The following GRIN2B variants were observed in gnomAD, a reference collection of about 807,000 sequenced individuals.
GRIN2B encodes glutamate receptor ionotropic, NMDA 2B.
A neutral mutation model predicts 114.5 loss-of-function variants in GRIN2B; 5 were observed. The observed-to-expected ratio is 0.04, with a 90% confidence interval of 0.02 to 0.09. The LOEUF (loss-of-function observed/expected upper bound fraction) is 0.09. Among genes scored for constraint, GRIN2B ranks in the 10% least tolerant of loss-of-function variants. The probability of loss-of-function intolerance (pLI) is 1.00; values close to 1 mark genes in which losing one functional copy is unlikely to be tolerated. For synonymous variants in GRIN2B, 787 were observed against 745.1 expected, an observed-to-expected ratio of 1.06 and a Z score of -0.92; for missense variants, 1,108 against 1,943.5, an observed-to-expected ratio of 0.57 and a Z score of 8.08.
At chr12:13,621,728 G>T (rs946181816) in intron 5 of GRIN2B, among the ~76,000 whole-genome samples, 7 of 60 alleles carry the variant, frequency 0.12, no homozygotes, top group Admixed American at 0.5. Context: ...CTCCTCAGAA[G>T]GAAAGTCTAC....
At chr12:13,950,704 T>C (rs1248344808) in intron 2 of GRIN2B, among the ~76,000 whole-genome samples, 1 of 152,194 alleles carries the variant, frequency 6.6e-6, no homozygotes, top group Non-Finnish European at 1.5e-5. Context: ...TAAATGCCCT[T>C]TGCTCTCTGA....
intron 3 of GRIN2B, among the ~76,000 whole-genome samples, chr12:13,791,813 T>C (rs558327195): frequency 2.0e-5 from 3 of 152,362 alleles, no homozygotes; most frequent in African/African-American, 7.2e-5. Context: ...CTAAGAACAT[T>C]TGAATTATTC....
rs199517784 is a variant in GRIN2B, at chr12:13,615,139, C to T, written c.1629G>A (p.Gly543=). The T allele has an allele frequency of 1.6e-5, 26 of 1,613,456 alleles. No homozygotes were observed. The highest frequency in any genetic ancestry group is 1.9e-5 in the Non-Finnish European group (22 of 1,179,386). ...CTAAGAAGGCAGAAGGTGAGACAGT[C>T]CCATTGCTGCGTGACACCATGACAC... ...GISVMVSRSN[G]TVSPSAFLEP... is the part of the protein sequence containing the mutation. Residue 543 remains glycine (G), a synonymous_variant, in exon 8 of 14, where the codon GGG becomes GGA. Coordinates refer to ENST00000609686, the MANE Select transcript of GRIN2B (RefSeq NM_000834.5). This position sits in a 1 kb window ranked among gnomAD's most constrained non-coding sequence, Gnocchi z 5.8.
intron 2 of GRIN2B, among the ~76,000 whole-genome samples, chr12:13,876,530 A>G (rs1425561312): frequency 1.3e-5 from 2 of 152,124 alleles, no homozygotes; most frequent in African/African-American, 4.8e-5. Flanking sequence ...TGACAATCTC[A>G]TGGGTAATGT....
intron 2 of GRIN2B, among the ~76,000 whole-genome samples, chr12:13,890,413 A>G (rs1866239178): frequency 6.6e-6 from 1 of 152,168 alleles, no homozygotes; most frequent in Non-Finnish European, 1.5e-5. Context: ...TGTAAGCTGC[A>G]GAGCCTAAAC....
chr12:13,959,710 G>C (rs1867656394), intron 2 of GRIN2B, among the ~76,000 whole-genome samples: 1 of 151,870 alleles, frequency 6.6e-6, no homozygotes, highest in Admixed American at 6.6e-5. Context: ...GCGAAGAGAT[G>C]CTGATTGAAT....
intron 4 of GRIN2B, among the ~76,000 whole-genome samples, chr12:13,743,147 G>A (rs1288657232): frequency 6.6e-6 from 1 of 152,138 alleles, no homozygotes. Flanking sequence ...AAGCTTCTTA[G>A]AAGTATGTGT....
chr12:13,850,447 G>A (rs1865541101), intron 3 of GRIN2B, among the ~76,000 whole-genome samples: 1 of 152,188 alleles, frequency 6.6e-6, no homozygotes, highest in East Asian at 1.9e-4. Flanking sequence ...CTCAACCAGA[G>A]TCTAGAGTTT....
At chr12:13,635,376 A>G (rs1949658115) in intron 5 of GRIN2B, among the ~76,000 whole-genome samples, 1 of 152,138 alleles carries the variant, frequency 6.6e-6, no homozygotes, top group Admixed American at 6.6e-5. Context: ...TGAAGAATGG[A>G]TACTTATCTC....
intron 5 of GRIN2B, among the ~76,000 whole-genome samples, chr12:13,638,896 G>T (rs914655952): frequency 2.6e-5 from 4 of 151,946 alleles, no homozygotes; most frequent in Admixed American, 2.0e-4. Flanking sequence ...CTTACTCCTG[G>T]TTCCCTAATT....
chr12:13,777,205 C>A (rs889991515), intron 3 of GRIN2B, among the ~76,000 whole-genome samples: 17 of 152,124 alleles, frequency 1.1e-4, no homozygotes, highest in African/African-American at 4.1e-4. Flanking sequence ...AAGGGCCACA[C>A]AGAAAATAAA....
At chr12:13,870,727 G>A (rs1455496967) in intron 2 of GRIN2B, among the ~76,000 whole-genome samples, 1 of 152,182 alleles carries the variant, frequency 6.6e-6, no homozygotes, top group Non-Finnish European at 1.5e-5. Flanking sequence ...GAATATGACA[G>A]GCAGTGAGTG....
chr12:13,770,595 G>A (rs1863888857), intron 3 of GRIN2B, among the ~76,000 whole-genome samples: 2 of 152,092 alleles, frequency 1.3e-5, no homozygotes, highest in African/African-American at 4.8e-5. Flanking sequence ...TTAGCCCTTG[G>A]TATTAGCGTC....
intron 3 of GRIN2B, among the ~76,000 whole-genome samples, chr12:13,815,080 T>C (rs1277240515): frequency 6.6e-6 from 1 of 152,262 alleles, no homozygotes; most frequent in Non-Finnish European, 1.5e-5. Context: ...AGCAATCTTA[T>C]ATGATTCAAC....
intron 4 of GRIN2B, among the ~76,000 whole-genome samples, chr12:13,720,222 C>T (rs1290472422): frequency 6.6e-6 from 1 of 152,020 alleles, no homozygotes; most frequent in Non-Finnish European, 1.5e-5. Flanking sequence ...TGGCATCTGT[C>T]ACAGGGTGTC....
chr12:13,970,374 G>A (rs1862886997), intron 2 of GRIN2B, among the ~76,000 whole-genome samples: 2 of 152,144 alleles, frequency 1.3e-5, no homozygotes, highest in South Asian at 2.1e-4. Flanking sequence ...ACTTTCGTCT[G>A]TTCCACTCTA....
At chr12:13,913,948 A>G (rs543644000) in intron 2 of GRIN2B, among the ~76,000 whole-genome samples, 2 of 152,336 alleles carry the variant, frequency 1.3e-5, no homozygotes, top group African/African-American at 4.8e-5. Context: ...TGCTTAGTGC[A>G]GTGTCTGGCA....
chr12:13,835,775 A>G (rs1299527789), intron 3 of GRIN2B, among the ~76,000 whole-genome samples: 1 of 147,588 alleles, frequency 6.8e-6, no homozygotes, highest in East Asian at 2.0e-4. Flanking sequence ...GCACATTAAA[A>G]AAAAAAAAAA....
At chr12:13,778,774 A>T (rs142252156) in intron 3 of GRIN2B, among the ~76,000 whole-genome samples, 18 of 152,356 alleles carry the variant, frequency 1.2e-4, no homozygotes, top group African/African-American at 4.3e-4. Flanking sequence ...ACTTTTAAGT[A>T]ATCCTGTCCC....
Sources: gnomAD v4.1 joint callset for allele counts (sites outside exome capture counted in the v4.1 genomes callset) on GRCh38, gnomAD v4.1.1 for gene constraint, Gnocchi (gnomAD v3.1) non-coding constraint, MANE v1.5 for transcripts, NCBI Gene and HGNC (gene_info 2026-07-23, HGNC 2026-07-21) for gene names.